Variants in SMARCAD1 observed in about 807,000 individuals in gnomAD.
SMARCAD1 encodes SNF2 related chromatin remodeling ATPase with DExD box 1, also known as SWI/SNF-related matrix-associated actin-dependent regulator of chromatin subfamily A containing DEAD/H box 1.
In SMARCAD1, 25 loss-of-function variants were observed where a neutral mutation model predicts 127.1. The observed-to-expected ratio is 0.20, with a 90% CI of 0.14 to 0.27. SMARCAD1 has a LOEUF of 0.27. Ranked by LOEUF, SMARCAD1 falls within the 10% of genes least tolerant of loss-of-function variation. The pLI, the probability that SMARCAD1 is intolerant of heterozygous loss-of-function variation, is 1.00. For synonymous variants in SMARCAD1, 400 were observed against 396.9 expected (o/e 1.01, Z -0.09); for missense variants, 807 against 1,206.0 (o/e 0.67, Z 4.90).
chr4:94,216,969 T>C (rs888666550), intron 2 of SMARCAD1, among the ~76,000 whole-genome samples: 6 of 152,200 alleles, frequency 3.9e-5, no homozygotes, highest in African/African-American at 1.4e-4. Flanking sequence ...CTGGATCATA[T>C]AGTAATTCTA....
intron 2 of SMARCAD1, among the ~76,000 whole-genome samples, chr4:94,223,573 C>CT (rs1025018303): frequency 0.011 from 1,641 of 142,768 alleles, 23 homozygotes; most frequent in African/African-American, 0.037. Flanking sequence ...TTTCCTTTTT[C>CT]TTTTTTTTTT....
chr4:94,245,999 C>G (rs35995707), intron 6 of SMARCAD1, among the ~76,000 whole-genome samples: 57,613 of 152,040 alleles, frequency 0.38, 11,920 homozygotes, highest in East Asian at 0.71. Context: ...GCAACAGATT[C>G]TTGGAGAATC....
At chr4:94,222,136 C>T (rs866429408) in intron 2 of SMARCAD1, among the ~76,000 whole-genome samples, 8 of 152,138 alleles carry the variant, frequency 5.3e-5, no homozygotes, top group African/African-American at 9.7e-5. Context: ...TCATGACTTG[C>T]TGCATGCAAG....
chr4:94,232,676 G>C (rs1746023696), intron 3 of SMARCAD1, among the ~76,000 whole-genome samples: 1 of 152,178 alleles, frequency 6.6e-6, no homozygotes, highest in Admixed American at 6.5e-5. Context: ...ACACTGGCTA[G>C]GCATGGTGGC....
rs915599709 is a variant in SMARCAD1, at chr4:94,275,019, A to C, written c.1808+54A>C. On this transcript the variant is annotated intron_variant, in intron 14 of 23. Transcript: ENST00000354268. ...GATATTTATGCAGCCCCCAAATTTAAAAAAGAAATTGTAGTAGTACTATGT... is the reference window on the plus strand; with the variant it reads ...GATATTTATGCAGCCCCCAAATTTACAAAAGAAATTGTAGTAGTACTATGT... 8.7e-6 allele frequency: 11 copies of C among 1,261,892 alleles called. No individual in the cohort carries two copies. The African/African-American group carries it at 1.6e-4, about 19-fold the overall frequency. The allele number at this position is 1,261,892 out of a possible 1,614,324, so 78.2% of individuals were successfully genotyped here. A position where few individuals can be genotyped will look rare whatever the true frequency, so the allele number is the denominator to read the frequency against.
intron 2 of SMARCAD1, among the ~76,000 whole-genome samples, chr4:94,218,702 T>C (rs1743602869): frequency 6.6e-6 from 1 of 152,200 alleles, no homozygotes; most frequent in Non-Finnish European, 1.5e-5. Context: ...TGTTTGTCTT[T>C]TCTAGGGTAT....
At chr4:94,248,138 G>C (rs946828243) in intron 6 of SMARCAD1, among the ~76,000 whole-genome samples, 5 of 152,144 alleles carry the variant, frequency 3.3e-5, no homozygotes, top group African/African-American at 1.2e-4. Flanking sequence ...CTTAGGAAAT[G>C]GTTTCCAGCT....
rs534956336 is a variant in SMARCAD1, at chr4:94,263,005, A to G, written c.1282-1702A>G. ...TTATTTAGGGAGGTACTAGTTATACAGTGAAAAGGGCATGGAATTTTTCTC... is the reference window on the plus strand; with the variant it reads ...TTATTTAGGGAGGTACTAGTTATACGGTGAAAAGGGCATGGAATTTTTCTC... On this transcript the variant is annotated intron_variant, in intron 9 of 23. Transcript: ENST00000354268. Among the ~76,000 whole-genome samples, 685 of 152,000 alleles carry G rather than the reference A, an allele frequency of 4.5e-3. 3 individuals are homozygous for G. Among genetic ancestry groups the G allele is most frequent in the Non-Finnish European group, 7.2e-3 (486 of 67,946 alleles).
At chr4:94,282,434 T>C (rs1243788789) in intron 21 of SMARCAD1, among the ~76,000 whole-genome samples, 1 of 152,026 alleles carries the variant, frequency 6.6e-6, no homozygotes. Context: ...TTGTATTTTT[T>C]ATGGTTTTCA....
At chr4:94,228,466 C>G (rs562010025) in intron 3 of SMARCAD1, among the ~76,000 whole-genome samples, 1 of 152,244 alleles carries the variant, frequency 6.6e-6, no homozygotes, top group African/African-American at 2.4e-5. Context: ...TACCAATTAA[C>G]ACTAGTACAG....
chr4:94,287,729 T>C (rs1412517280), intron 23 of SMARCAD1, among the ~76,000 whole-genome samples: 2 of 152,176 alleles, frequency 1.3e-5, no homozygotes, highest in Admixed American at 1.3e-4. Context: ...TTTTTTTTCA[T>C]TAACTTCCCT....
At chr4:94,226,033 T>C in intron 2 of SMARCAD1, 86 bp from the exon 3 acceptor site, 1 of 1,131,490 alleles carries the variant, frequency 8.8e-7, no homozygotes, top group Non-Finnish European at 1.3e-6. Flanking sequence ...TGAATGAAAT[T>C]TGAGATTTTA....
chr4:94,276,640 C>T (rs1380021658), intron 15 of SMARCAD1, among the ~76,000 whole-genome samples, 166 bp downstream of exon 15: 2 of 152,174 alleles, frequency 1.3e-5, no homozygotes, highest in Admixed American at 1.3e-4. Context: ...ATATTTCACA[C>T]TTTATGGACT....
At chr4:94,267,063 C>G (rs1751831670) in intron 10 of SMARCAD1, among the ~76,000 whole-genome samples, 1 of 125,500 alleles carries the variant, frequency 8.0e-6, no homozygotes, top group African/African-American at 2.7e-5. Flanking sequence ...GTTAATTAAT[C>G]TATAATTTAT....
intron 20 of SMARCAD1, among the ~76,000 whole-genome samples, chr4:94,281,000 TTGA>T (rs1162586129): frequency 6.6e-6 from 1 of 152,226 alleles, no homozygotes; most frequent in Non-Finnish European, 1.5e-5. Context: ...TGTATCTGTA[TTGA>T]TGTTTTAAAA....
chr4:94,241,020 T>C lies in SMARCAD1; in HGVS notation c.705+14T>C. ...AGACTGGATCATGTAAGTTTACATT[T>C]GAATTACAGTATCAAAATTGGCTGC... On this transcript the variant is annotated intron_variant, in intron 6 of 23. Coordinates refer to ENST00000354268, the MANE Select transcript of SMARCAD1 (RefSeq NM_020159.5). 6.4e-7 allele frequency: 1 copy of C among 1,573,498 alleles called. No individual in the cohort carries two copies. The highest frequency in any genetic ancestry group is 8.7e-7 in the Non-Finnish European group (1 of 1,144,624).
In SMARCAD1 at chr4:94,270,761, G is replaced by C. The variant is rs1156927855; in HGVS notation, c.1515G>C (p.Leu505Phe). ...TCAAGCCCTATCAGAAGGTTGGTTT[G>C]AATTGGCTGGCATTGGTACATAAAC... ...LSLKPYQKVG[L>F]NWLALVHKHG... The change falls in exon 11 of 24, where the codon TTG becomes TTC. Residue 505 changes from leucine (L) to phenylalanine (F), a missense_variant. Transcript: ENST00000354268. 1.2e-6 allele frequency: 2 copies of C among 1,613,432 alleles called. No homozygotes were observed. Among genetic ancestry groups the C allele is most frequent in the African/African-American group, 1.3e-5 (1 of 74,894 alleles).
chr4:94,274,606 C>T (rs753094458), intron 12 of SMARCAD1, 132 bp from the exon 13 acceptor site: 5 of 885,312 alleles, frequency 5.6e-6, no homozygotes, highest in Admixed American at 1.9e-5. Context: ...CATGAGCCAC[C>T]TTGCTGGGCC....
chr4:94,247,280 G>T (rs915436951), intron 6 of SMARCAD1, among the ~76,000 whole-genome samples: 1 of 152,162 alleles, frequency 6.6e-6, no homozygotes, highest in Non-Finnish European at 1.5e-5. Context: ...AATAAGCACT[G>T]GGTCGAATCA....
Sources: gnomAD v4.1 joint callset for allele counts (sites outside exome capture counted in the v4.1 genomes callset) on GRCh38, gnomAD v4.1.1 for gene constraint, MANE v1.5 for transcripts, NCBI Gene and HGNC (gene_info 2026-07-23, HGNC 2026-07-21) for gene names.